ANXA3: variants seen among roughly 807,000 people sequenced by gnomAD.
ANXA3 encodes the protein 35-alpha calcimedin.
ANXA3 carries 46 observed loss-of-function variants against 48.8 expected under a neutral mutation model. That is an observed-to-expected ratio of 0.94 (90% CI 0.74 to 1.21). The LOEUF is 1.21. Among genes scored for constraint, ANXA3 ranks in the 50% most tolerant of loss-of-function variants. The pLI is 0.00. For synonymous variants in ANXA3, 128 were observed against 134.7 expected, an observed-to-expected ratio of 0.95 and a Z score of 0.35; for missense variants, 383 against 378.6, an observed-to-expected ratio of 1.01 and a Z score of -0.10.
intron 2 of ANXA3, 119 bp from the exon 3 acceptor site, chr4:78,573,061 G>A (rs554540639): frequency 1.4e-5 from 11 of 806,008 alleles, no homozygotes; most frequent in Non-Finnish European, 2.4e-5. Context: ...TGAAGTGGTA[G>A]GAAGGTGTGC....
At chr4:78,569,779 C>T (rs1389479140) in intron 2 of ANXA3, among the ~76,000 whole-genome samples, 1 of 152,192 alleles carries the variant, frequency 6.6e-6, no homozygotes, top group Admixed American at 6.5e-5. Flanking sequence ...TCCCTCGAGG[C>T]ATTGTGATGT....
At chr4:78,562,710 A>G (rs188583713) in intron 2 of ANXA3, among the ~76,000 whole-genome samples, 9 of 152,374 alleles carry the variant, frequency 5.9e-5, no homozygotes, top group Non-Finnish European at 1.2e-4. Context: ...TAAATGAAGA[A>G]ATAAATGTAC....
intron 1 of ANXA3, among the ~76,000 whole-genome samples, chr4:78,553,213 G>A (rs1337096008): frequency 6.6e-6 from 1 of 152,172 alleles, no homozygotes; most frequent in African/African-American, 2.4e-5. Context: ...CTCACTAGCT[G>A]TGTGACTGTG....
intron 12 of ANXA3, among the ~76,000 whole-genome samples, 172 bp downstream of exon 12, chr4:78,604,571 A>C (rs905216449): frequency 6.6e-6 from 1 of 152,194 alleles, no homozygotes; most frequent in Non-Finnish European, 1.5e-5. Context: ...CCTTATTTTC[A>C]GCTCTAAAAT....
At chr4:78,580,097 T>C (rs1182278809) in intron 4 of ANXA3, among the ~76,000 whole-genome samples, 1 of 152,198 alleles carries the variant, frequency 6.6e-6, no homozygotes, top group African/African-American at 2.4e-5. Flanking sequence ...TAACATTCTA[T>C]TAGAATATAA....
chr4:78,587,021 G>A (rs1164529577), intron 6 of ANXA3, among the ~76,000 whole-genome samples: 1 of 152,154 alleles, frequency 6.6e-6, no homozygotes, highest in East Asian at 1.9e-4. Flanking sequence ...GAATGACACA[G>A]AACTCAAGAA....
At chr4:78,570,983 A>T (rs188740330) in intron 2 of ANXA3, 46 of 152,290 alleles carry the variant, frequency 3.0e-4, no homozygotes, top group Non-Finnish European at 4.0e-4. Context: ...AAATTATATT[A>T]AAGTGACTAA....
intron 7 of ANXA3, among the ~76,000 whole-genome samples, chr4:78,593,207 A>C (rs938177965): frequency 2.7e-5 from 4 of 149,224 alleles, no homozygotes; most frequent in Non-Finnish European, 4.5e-5. Context: ...AGGACTTTTT[A>C]TTTTTTCTTT....
At chr4:78,553,538 G>A (rs1722444029) in intron 1 of ANXA3, among the ~76,000 whole-genome samples, 1 of 152,090 alleles carries the variant, frequency 6.6e-6, no homozygotes, top group Non-Finnish European at 1.5e-5. Context: ...CTGTACAGAT[G>A]GTTTGACTTC....
In ANXA3 at chr4:78,601,573, G is replaced by A. The variant is rs1226796383; in HGVS notation, c.789+5G>A. ...AGACTGCATCGAGCCTTGAAGGTTG[G>A]TCTGGAAAGTTCATGTGCATTCTTA... On this transcript the variant is annotated splice_donor_5th_base_variant and intron_variant, in intron 11 of 12. Coordinates refer to ENST00000264908, the MANE Select transcript of ANXA3 (RefSeq NM_005139.3). 1 of 1,613,596 alleles carries A rather than the reference G, an allele frequency of 6.2e-7. No homozygotes were observed. Among genetic ancestry groups the A allele is most frequent in the South Asian group, 1.1e-5 (1 of 91,030 alleles).
chr4:78,601,169 G>T (rs1039977706), intron 10 of ANXA3, among the ~76,000 whole-genome samples: 8 of 152,234 alleles, frequency 5.3e-5, no homozygotes, highest in Non-Finnish European at 1.0e-4. Context: ...TAGTAGCTGA[G>T]CAGTGTCGCA....
intron 6 of ANXA3, among the ~76,000 whole-genome samples, chr4:78,588,066 A>C (rs1366688579): frequency 6.6e-6 from 1 of 152,248 alleles, no homozygotes; most frequent in Admixed American, 6.5e-5. Flanking sequence ...ACTGCACTCC[A>C]GCCTGGGCAA....
intron 3 of ANXA3, among the ~76,000 whole-genome samples, chr4:78,575,234 T>G (rs1722922802): frequency 6.6e-6 from 1 of 152,018 alleles, no homozygotes; most frequent in African/African-American, 2.4e-5. Flanking sequence ...TTGGCAAGAG[T>G]TTTTTTATAA....
chr4:78,555,934 G>A (rs1218440024), intron 2 of ANXA3, among the ~76,000 whole-genome samples: 1 of 151,882 alleles, frequency 6.6e-6, no homozygotes, highest in Non-Finnish European at 1.5e-5. Flanking sequence ...TAAGAGATTG[G>A]TGAAGGTTAA....
At chr4:78,591,425 G>A in intron 6 of ANXA3, 119 bp from the exon 7 acceptor site, 1 of 668,204 alleles carries the variant, frequency 1.5e-6, no homozygotes, top group Non-Finnish European at 2.7e-6. Context: ...AAATAAAAGG[G>A]CAAGATTTAT....
rs763655775 is a variant in ANXA3, at chr4:78,601,544, C to T, written c.765C>T (p.Ala255=). 1.9e-5 allele frequency: 31 copies of T among 1,613,740 alleles called. No individual in the cohort carries two copies. Among genetic ancestry groups the T allele is most frequent in the South Asian group, 1.5e-4 (14 of 91,076 alleles). The change falls in exon 11 of 13, where the codon GCC becomes GCT. Residue 255 remains alanine, a synonymous_variant. Coordinates refer to ENST00000264908, the MANE Select transcript of ANXA3 (RefSeq NM_005139.3). ...NCVRNTPAFL[A]ERLHRALKGI... ...TGAGGAACACGCCGGCCTTTTTAGC[C>T]GAAAGACTGCATCGAGCCTTGAAGG...
intron 7 of ANXA3, among the ~76,000 whole-genome samples, chr4:78,592,688 A>G (rs888455873): frequency 1.3e-5 from 2 of 152,232 alleles, no homozygotes; most frequent in Non-Finnish European, 2.9e-5. Context: ...GTCTTAAAGC[A>G]TTCATTTTCA....
chr4:78,557,844 A>G (rs9685634), intron 2 of ANXA3, among the ~76,000 whole-genome samples: 3,752 of 152,272 alleles, frequency 0.025, 156 homozygotes, highest in African/African-American at 0.085. Context: ...GAACTACCAC[A>G]TGCTCCAGCA....
intron 8 of ANXA3, 116 bp downstream of exon 8, chr4:78,595,553 T>C: frequency 8.6e-7 from 1 of 1,162,672 alleles, no homozygotes; most frequent in Non-Finnish European, 1.2e-6. Flanking sequence ...TTTTTTTTTT[T>C]CCTGTTTGAA....
Sources: allele counts gnomAD v4.1 joint callset (sites outside exome capture counted in the v4.1 genomes callset), GRCh38; gene constraint gnomAD v4.1.1; transcripts MANE v1.5; gene names NCBI Gene and HGNC (gene_info 2026-07-23, HGNC 2026-07-21).